RSRC1: variants seen among roughly 807,000 people sequenced by gnomAD.
RSRC1 encodes arginine and serine rich coiled-coil 1.
Under a neutral mutation model 49.1 loss-of-function variants are expected in RSRC1, and 39 were observed. The ratio of observed to expected loss-of-function variants is 0.79; its 90% CI spans 0.61 to 1.04. The LOEUF (loss-of-function observed/expected upper bound fraction) is 1.04, where lower values mean the gene tolerates loss of function less well. RSRC1 is among the 50% of genes least tolerant of loss of function. The pLI is 0.00. For synonymous variants in RSRC1, 143 were observed against 130.8 expected (o/e 1.09, Z -0.63); for missense variants, 388 against 402.4 (o/e 0.96, Z 0.31).
intron 6 of RSRC1, among the ~76,000 whole-genome samples, chr3:158,441,260 T>A (rs1736365428): frequency 6.6e-6 from 1 of 152,126 alleles, no homozygotes. Flanking sequence ...ATTAAGCATC[T>A]GTTGTTTAGC....
intron 7 of RSRC1, among the ~76,000 whole-genome samples, chr3:158,491,615 T>C (rs1376540361): frequency 1.3e-5 from 2 of 152,194 alleles, no homozygotes; most frequent in African/African-American, 2.4e-5. Flanking sequence ...AACTGAAAAT[T>C]TTAGTTAAAT....
chr3:158,185,848 A>C (rs1719896249), intron 3 of RSRC1, among the ~76,000 whole-genome samples: 1 of 151,996 alleles, frequency 6.6e-6, no homozygotes, highest in Non-Finnish European at 1.5e-5. Flanking sequence ...AGTTAGCCCA[A>C]TGTAATTGGA....
chr3:158,154,411 T>C (rs1406764151), intron 3 of RSRC1, among the ~76,000 whole-genome samples: 1 of 151,978 alleles, frequency 6.6e-6, no homozygotes, highest in East Asian at 1.9e-4. Context: ...CTTTTTTAAA[T>C]GAAAGATTTC....
chr3:158,421,836 C>A (rs1471163143), intron 6 of RSRC1, among the ~76,000 whole-genome samples: 1 of 151,722 alleles, frequency 6.6e-6, no homozygotes, highest in Non-Finnish European at 1.5e-5. Context: ...CAACAAATGG[C>A]AGAGTTTATA....
intron 6 of RSRC1, among the ~76,000 whole-genome samples, chr3:158,360,858 A>G (rs1440069282): frequency 1.3e-5 from 2 of 152,182 alleles, no homozygotes; most frequent in East Asian, 3.9e-4. Context: ...GGCTGCAGCC[A>G]TGCTCAGGAG....
At chr3:158,171,450 A>T (rs1718877018) in intron 3 of RSRC1, among the ~76,000 whole-genome samples, 1 of 152,212 alleles carries the variant, frequency 6.6e-6, no homozygotes, top group Non-Finnish European at 1.5e-5. Context: ...TGATGACTTT[A>T]AAGTAGCTAT....
chr3:158,327,600 T>A (rs1311218903), intron 5 of RSRC1, among the ~76,000 whole-genome samples: 1 of 152,058 alleles, frequency 6.6e-6, no homozygotes, highest in Admixed American at 6.5e-5. Context: ...TGAGAGACAG[T>A]TTGTTATAAT....
At chr3:158,471,166 T>G (rs1272742869) in intron 7 of RSRC1, among the ~76,000 whole-genome samples, 3 of 152,240 alleles carry the variant, frequency 2.0e-5, no homozygotes, top group Non-Finnish European at 4.4e-5. Flanking sequence ...CTTTTTGTAC[T>G]TTCTCCTTAA....
chr3:158,393,690 A>G (rs1733453220), intron 6 of RSRC1, among the ~76,000 whole-genome samples: 1 of 152,076 alleles, frequency 6.6e-6, no homozygotes, highest in Non-Finnish European at 1.5e-5. Flanking sequence ...CCAACCAGAA[A>G]AGGCCCAGGA....
chr3:158,419,668 A>G (rs77469524), intron 6 of RSRC1, among the ~76,000 whole-genome samples: 8,163 of 151,960 alleles, frequency 0.054, 322 homozygotes, highest in South Asian at 0.1. Flanking sequence ...CATAGGTAGA[A>G]CAGGTAATTA....
intron 3 of RSRC1, among the ~76,000 whole-genome samples, chr3:158,192,608 G>A (rs1240714488): frequency 6.6e-6 from 1 of 152,020 alleles, no homozygotes; most frequent in Non-Finnish European, 1.5e-5. Context: ...CTATAATGGT[G>A]ATAAAAATGT....
chr3:158,197,092 G>C (rs958399369), intron 3 of RSRC1, among the ~76,000 whole-genome samples: 2 of 152,196 alleles, frequency 1.3e-5, no homozygotes, highest in Middle Eastern at 3.4e-3. Flanking sequence ...GCTCCTCCTT[G>C]TACCTCTGGT....
intron 6 of RSRC1, among the ~76,000 whole-genome samples, chr3:158,438,498 C>T (rs552077072): frequency 1.3e-5 from 2 of 152,166 alleles, no homozygotes; most frequent in East Asian, 3.9e-4. Context: ...AGAACAGAGG[C>T]CACAGAAATA....
intron 5 of RSRC1, among the ~76,000 whole-genome samples, chr3:158,354,002 T>TTTC (rs1731021557): frequency 7.1e-6 from 1 of 141,474 alleles, no homozygotes; most frequent in Non-Finnish European, 1.5e-5. Flanking sequence ...TTTCTTTTTT[T>TTTC]TTTTTTTTTT....
At chr3:158,257,713 C>A (rs2108027515) in intron 4 of RSRC1, among the ~76,000 whole-genome samples, 1 of 152,130 alleles carries the variant, frequency 6.6e-6, no homozygotes, top group East Asian at 1.9e-4. Context: ...GTCCTCTCTT[C>A]CATCTTTTCT....
chr3:158,442,156 T>C (rs2108375302), intron 6 of RSRC1, among the ~76,000 whole-genome samples: 1 of 152,240 alleles, frequency 6.6e-6, no homozygotes, highest in East Asian at 1.9e-4. Context: ...TGGCTGCCCA[T>C]TGATGAGGGT....
intron 4 of RSRC1, among the ~76,000 whole-genome samples, chr3:158,290,530 C>T (rs1347438982): frequency 6.6e-6 from 1 of 152,174 alleles, no homozygotes; most frequent in Non-Finnish European, 1.5e-5. Flanking sequence ...CCACCTTGGC[C>T]TCCCAAAGTG....
chr3:158,243,365 G>A (rs557616365), intron 4 of RSRC1, among the ~76,000 whole-genome samples: 1 of 152,220 alleles, frequency 6.6e-6, no homozygotes, highest in African/African-American at 2.4e-5. Context: ...TGGTAGGTGT[G>A]TGGTCTTTCT....
chr3:158,511,334 T>C (rs1414595186), intron 7 of RSRC1, among the ~76,000 whole-genome samples: 1 of 152,112 alleles, frequency 6.6e-6, no homozygotes, highest in African/African-American at 2.4e-5. Context: ...CCATGTGTTC[T>C]CATTGTTCAA....
Sources: gnomAD v4.1 joint callset for allele counts (sites outside exome capture counted in the v4.1 genomes callset) on GRCh38, gnomAD v4.1.1 for gene constraint, MANE v1.5 for transcripts, NCBI Gene and HGNC (gene_info 2026-07-23, HGNC 2026-07-21) for gene names.